The following B4GALNT3 variants were observed in gnomAD, a reference collection of about 807,000 sequenced individuals.
The protein encoded by B4GALNT3 is beta-1,4-N-acetylgalactosaminyltransferase 3.
In B4GALNT3, 86 loss-of-function variants were observed where a neutral mutation model predicts 120.2. The ratio of observed to expected loss-of-function variants is 0.72; its 90% CI spans 0.60 to 0.86. B4GALNT3 has a LOEUF of 0.86. Among genes scored for constraint, B4GALNT3 ranks in the 40% least tolerant of loss-of-function variants. The pLI is 0.00. For synonymous variants in B4GALNT3, 518 were observed against 510.4 expected (o/e 1.01, Z -0.20); for missense variants, 1,167 against 1,298.9 (o/e 0.90, Z 1.56).
rs1431174278 is a variant in B4GALNT3, at chr12:539,103, G to A, written c.351+2808G>A. Reference sequence around the variant, plus strand: ...TCACTGTTTCCCTGCCCCGAGCTTTGGCTGGCAGCCCAGGGTCTCTGAGGC... The same window carrying A: ...TCACTGTTTCCCTGCCCCGAGCTTTAGCTGGCAGCCCAGGGTCTCTGAGGC... On this transcript the variant is annotated intron_variant, in intron 3 of 19. Transcript: ENST00000266383. 2.0e-5 allele frequency among the ~76,000 whole-genome samples: 3 copies of A among 152,170 alleles called. No individual in the cohort carries two copies. The East Asian group carries it at 5.8e-4, about 29-fold the overall frequency.
intron 1 of B4GALNT3, among the ~76,000 whole-genome samples, chr12:470,733 G>C (rs1023207177): frequency 1.3e-5 from 2 of 150,410 alleles, no homozygotes; most frequent in African/African-American, 5.0e-5. Context: ...TCATTTTAGT[G>C]ACTGTTTTGT....
At chr12:552,875 G>A (rs1230740884) in intron 13 of B4GALNT3, 2 of 498,426 alleles carry the variant, frequency 4.0e-6, no homozygotes, top group South Asian at 2.6e-5. Flanking sequence ...CTTTCTTGGG[G>A]GATTAGGGCG....
At chr12:509,490 C>G (rs919757051) in intron 1 of B4GALNT3, among the ~76,000 whole-genome samples, 1 of 152,162 alleles carries the variant, frequency 6.6e-6, no homozygotes, top group African/African-American at 2.4e-5. Flanking sequence ...GAAAAAATAC[C>G]AACTTGCTCT....
intron 1 of B4GALNT3, among the ~76,000 whole-genome samples, chr12:493,724 T>C (rs1432755269): frequency 6.6e-6 from 1 of 152,220 alleles, no homozygotes; most frequent in Non-Finnish European, 1.5e-5. Context: ...TCATTTGCTT[T>C]TTATGTTGCC....
At position 554,530 on chromosome 12, in the gene B4GALNT3, C is replaced by T. The variant is rs543549776; in HGVS notation, c.2060+547C>T. Among the ~76,000 whole-genome samples the T allele has an allele frequency of 1.1e-3, 171 of 152,252 alleles. 1 individual carries two copies. Among genetic ancestry groups the T allele is most frequent in the African/African-American group, 4.0e-3 (166 of 41,552 alleles). ...TACAGGCTGGGCGCGGTGGCTCACG[C>T]CTGTAATCCCAGCACTTTGGGAGGC... On this transcript the variant is annotated intron_variant, in intron 14 of 19. Coordinates refer to ENST00000266383, the MANE Select transcript of B4GALNT3 (RefSeq NM_173593.4).
At chr12:554,602 A>C (rs910577908) in intron 14 of B4GALNT3, among the ~76,000 whole-genome samples, 1 of 150,938 alleles carries the variant, frequency 6.6e-6, no homozygotes, top group African/African-American at 2.4e-5. Context: ...CATCCTGGCT[A>C]ACACGGTGAA....
At chr12:506,915 C>T (rs1028457007) in intron 1 of B4GALNT3, among the ~76,000 whole-genome samples, 2 of 152,228 alleles carry the variant, frequency 1.3e-5, no homozygotes, top group Non-Finnish European at 1.5e-5. Flanking sequence ...GGATTACAGG[C>T]GTGAGCCACC....
chr12:511,307 ACCTTCCG>A (rs1434465421), intron 1 of B4GALNT3, among the ~76,000 whole-genome samples: 1 of 64,120 alleles, frequency 1.6e-5, no homozygotes, highest in Non-Finnish European at 3.1e-5. Context: ...TCCACCTTCC[ACCTTCCG>A]CCTTCTGCCT....
chr12:487,201 A>G (rs2120492736), intron 1 of B4GALNT3, among the ~76,000 whole-genome samples: 1 of 152,360 alleles, frequency 6.6e-6, no homozygotes, highest in Non-Finnish European at 1.5e-5. Flanking sequence ...GGACAATTAC[A>G]AAAGGTGAAA....
chr12:462,703 T>C (rs1212482668), intron 1 of B4GALNT3, among the ~76,000 whole-genome samples: 1 of 152,140 alleles, frequency 6.6e-6, no homozygotes, highest in Non-Finnish European at 1.5e-5. Context: ...TCATCTATTG[T>C]GCAGGGTGTC....
rs184285983 is a variant in B4GALNT3, at chr12:556,983, A to G, written c.2380+117A>G. ...AAGCACTTCTGAGAAAGACCACCTT[A>G]TAGTTGAGGAAACTGAGGCTCACAA... is the stretch of plus-strand genomic sequence containing the variant. On this transcript the variant is annotated intron_variant, in intron 15 of 19. Transcript: ENST00000266383. 1.1e-4 allele frequency: 124 copies of G among 1,082,310 alleles called. 1 individual carries two copies. In the African/African-American group the frequency reaches 1.7e-3, roughly 15 times the overall value. 67.0% of individuals were successfully genotyped at this position (1,082,310 alleles called of 1,614,324 possible). A position where few individuals can be genotyped will look rare whatever the true frequency, so the allele number is the denominator to read the frequency against.
intron 6 of B4GALNT3, 30 bp downstream of exon 6, chr12:545,499 A>G (rs765129548): frequency 1.9e-6 from 3 of 1,560,458 alleles, no homozygotes; most frequent in Admixed American, 3.8e-5. Context: ...GGTCCCTCCC[A>G]TCTGCTCCTG....
chr12:519,770 G>C (rs1946688531), intron 1 of B4GALNT3, among the ~76,000 whole-genome samples: 1 of 152,098 alleles, frequency 6.6e-6, no homozygotes, highest in Admixed American at 6.6e-5. Context: ...AATTTAGGTT[G>C]AGCGACTGCT....
Position 460,653 on chromosome 12 carries a change from C to T in B4GALNT3, c.169+108C>T, listed in dbSNP as rs1056111519. 1.8e-6 allele frequency: 2 copies of T among 1,102,080 alleles called. No individual in the cohort carries two copies. Among genetic ancestry groups the T allele is most frequent in the African/African-American group, 1.6e-5 (1 of 60,944 alleles). The allele number at this position is 1,102,080 out of a possible 1,614,324, so 68.3% of individuals were successfully genotyped here. On this transcript the variant is annotated intron_variant, in intron 1 of 19. Transcript: ENST00000266383. This position sits in a 1 kb window ranked among gnomAD's most constrained non-coding sequence, Gnocchi z 8.0. ...CCATCCTCAGACCCGATTTCCCACC[C>T]ATTTCTCCCTCAGGTGCCCGGCGTC...
rs1224532259 is a variant in B4GALNT3, at chr12:511,778, TCTTCCAC to T, written c.170-23369_170-23363del. Among the ~76,000 whole-genome samples, 382 of 58,276 alleles carry T rather than the reference TCTTCCAC, an allele frequency of 6.6e-3. 14 individuals are homozygous for T. Among genetic ancestry groups the T allele is most frequent in the African/African-American group, 0.014 (173 of 12,660 alleles). The allele number at this position is 58,276 out of a possible 152,430, so 38.2% of individuals were successfully genotyped here. ...TTCTTCCACCTTCCACCTTCCACCTTCTTCCACCTTCCACCTTCCACCTTCTTCCACC... is the reference window on the plus strand; with the variant it reads ...TTCTTCCACCTTCCACCTTCCACCTTCTTCCACCTTCCACCTTCTTCCACC... On this transcript the variant is annotated intron_variant, in intron 1 of 19. Transcript: ENST00000266383.
chr12:528,476 G>A (rs756895742), intron 1 of B4GALNT3, among the ~76,000 whole-genome samples: 4 of 152,210 alleles, frequency 2.6e-5, no homozygotes, highest in Admixed American at 6.5e-5. Context: ...TGCCTAACAC[G>A]TAAGTGTTAA....
chr12:484,843 A>G (rs1207523928), intron 1 of B4GALNT3, among the ~76,000 whole-genome samples: 1 of 151,898 alleles, frequency 6.6e-6, no homozygotes, highest in Non-Finnish European at 1.5e-5. Flanking sequence ...AGGATGCTAA[A>G]TTCCTCCCAG....
Position 460,510 on chromosome 12 carries a change from C to T in B4GALNT3, c.134C>T (p.Ala45Val), listed in dbSNP as rs1466061292. 2 of 1,574,998 alleles carry T rather than the reference C, an allele frequency of 1.3e-6. No individual in the cohort carries two copies. The highest frequency in any genetic ancestry group is 1.4e-5 in the African/African-American group (1 of 72,374). The change falls in exon 1 of 20, where the codon GCG (alanine) becomes GTG (valine). Residue 45 changes from alanine to valine, a missense_variant. By Grantham distance (64) the Ala-to-Val change is moderately conservative. Around this residue, in one of 3 missense-constraint regions of B4GALNT3, gnomAD observed 171 missense variants for 161.3 expected, o/e 1.06. Coordinates refer to ENST00000266383, the MANE Select transcript of B4GALNT3 (RefSeq NM_173593.4). This position sits in a 1 kb window ranked among gnomAD's most constrained non-coding sequence, Gnocchi z 8.0. Reference sequence around the variant, plus strand: ...TGGACTCTGTATCTGGAACTGGTGGCGTCGGCCCAGGTCGGCGGGAACCCC... The same window carrying T: ...TGGACTCTGTATCTGGAACTGGTGGTGTCGGCCCAGGTCGGCGGGAACCCC... Reference protein sequence around the residue: ...GLWTLYLELVASAQVGGNPLN... With the variant: ...GLWTLYLELVVSAQVGGNPLN...
intron 15 of B4GALNT3, among the ~76,000 whole-genome samples, 185 bp from the exon 16 acceptor site, chr12:557,423 G>A (rs1446424710): frequency 1.3e-5 from 2 of 152,154 alleles, no homozygotes; most frequent in African/African-American, 4.8e-5. Context: ...CCCCTTAACT[G>A]GTGAGCACTC....
Sources: allele counts gnomAD v4.1 joint callset (sites outside exome capture counted in the v4.1 genomes callset), GRCh38; gene constraint gnomAD v4.1.1; regional missense constraint gnomAD v4.1.1; non-coding constraint Gnocchi (gnomAD v3.1); transcripts MANE v1.5; gene names NCBI Gene and HGNC (gene_info 2026-07-23, HGNC 2026-07-21).